Variants in DICER1 observed in about 807,000 individuals in gnomAD.
The protein encoded by DICER1 is dicer 1, ribonuclease III.
Under a neutral mutation model 194.1 loss-of-function variants are expected in DICER1, and 43 were observed. The ratio of observed to expected loss-of-function variants is 0.22; its 90% CI spans 0.17 to 0.29. DICER1 has a LOEUF of 0.29. Among genes scored for constraint, DICER1 ranks in the 10% least tolerant of loss-of-function variants. DICER1 has a pLI of 1.00. For synonymous variants in DICER1, 832 were observed against 820.5 expected (o/e 1.01, Z -0.24); for missense variants, 1,608 against 2,317.0 (o/e 0.69, Z 6.28).
At chr14:95,110,954 C>A (rs999723646) in intron 14 of DICER1, among the ~76,000 whole-genome samples, 6 of 152,152 alleles carry the variant, frequency 3.9e-5, no homozygotes, top group Non-Finnish European at 8.8e-5. Context: ...TCACACAAAT[C>A]CTCTTCTGTC....
At position 95,121,337 on chromosome 14, in the gene DICER1, GAA is replaced by G. The variant is rs1655192703; in HGVS notation, c.1376+2857_1376+2858del. ...AGAAAAAAATAAAAATAAATTTTTTGAAAAAGAGGACATTAGTAGAAAAGCTG... is the reference window on the plus strand; with the variant it reads ...AGAAAAAAATAAAAATAAATTTTTTGAAAGAGGACATTAGTAGAAAAGCTG... On this transcript the variant is annotated intron_variant, in intron 8 of 26. Transcript: ENST00000343455. Among the ~76,000 whole-genome samples, 3 of 152,138 alleles carry G rather than the reference GAA, an allele frequency of 2.0e-5. 1 individual carries two copies. In the South Asian group the frequency reaches 6.2e-4, roughly 32 times the overall value.
Position 95,115,653 on chromosome 14 carries a change from A to C in DICER1, c.1907+14T>G. On this transcript the variant is annotated intron_variant, in intron 11 of 26. Coordinates refer to ENST00000343455, the MANE Select transcript of DICER1 (RefSeq NM_177438.3). ...CATTCCCAGGTTTTCCACACAAATG[A>C]TATGATGCCATACCTATTGATGTGT... 6.2e-7 allele frequency: 1 copy of C among 1,613,960 alleles called. No homozygotes were observed. Among genetic ancestry groups the C allele is most frequent in the East Asian group, 2.2e-5 (1 of 44,884 alleles).
chr14:95,094,249 T>C (rs2139818750), intron 23 of DICER1, 93 bp from the exon 24 acceptor site: 1 of 1,473,074 alleles, frequency 6.8e-7, no homozygotes, highest in East Asian at 2.3e-5. Context: ...AGAAGATTTG[T>C]ATTTACAATC....
At chr14:95,098,472 A>C (rs951558054) in intron 22 of DICER1, among the ~76,000 whole-genome samples, 2 of 152,226 alleles carry the variant, frequency 1.3e-5, no homozygotes, top group African/African-American at 4.8e-5. Context: ...TAAAAATCTG[A>C]ACAGTATTTC....
chr14:95,103,234 TA>T (rs2139951501), intron 21 of DICER1, 111 bp downstream of exon 21: 1 of 1,221,100 alleles, frequency 8.2e-7, no homozygotes, highest in East Asian at 2.3e-5. Context: ...TTGGCCGGTG[TA>T]GCAATTTCTG....
intron 21 of DICER1, 89 bp from the exon 22 acceptor site, chr14:95,100,024 T>C (rs1005693712): frequency 1.4e-6 from 2 of 1,423,300 alleles, no homozygotes; most frequent in African/African-American, 2.9e-5. Context: ...AGTTAAATGT[T>C]CTTAAAATTA....
intron 8 of DICER1, among the ~76,000 whole-genome samples, chr14:95,121,971 A>G (rs1020263061): frequency 2.0e-5 from 3 of 152,164 alleles, no homozygotes; most frequent in Non-Finnish European, 4.4e-5. Flanking sequence ...TTCACTATAG[A>G]AGGGTTTTTC....
At chr14:95,132,021 G>T (rs987713962) in intron 3 of DICER1, among the ~76,000 whole-genome samples, 4 of 152,062 alleles carry the variant, frequency 2.6e-5, no homozygotes, top group Non-Finnish European at 4.4e-5. Flanking sequence ...ATATATTAGT[G>T]CCCTACCAGC....
chr14:95,148,855 T>C (rs772020261), intron 1 of DICER1, among the ~76,000 whole-genome samples: 1 of 151,558 alleles, frequency 6.6e-6, no homozygotes, highest in Admixed American at 6.6e-5. Context: ...TCAAGAGACA[T>C]AAATACTTAA....
intron 21 of DICER1, among the ~76,000 whole-genome samples, chr14:95,101,491 C>T (rs1171795875): frequency 1.3e-5 from 2 of 152,116 alleles, no homozygotes; most frequent in South Asian, 2.1e-4. Flanking sequence ...TTCCGTATGG[C>T]GACTACTCTA....
At position 95,113,006 on chromosome 14, in the gene DICER1, T is replaced by A. The variant is rs1285645537; in HGVS notation, c.2040+86A>T. On this transcript the variant is annotated intron_variant, in intron 12 of 26. Coordinates refer to ENST00000343455, the MANE Select transcript of DICER1 (RefSeq NM_177438.3). ...AGTAGATTTTAAAATCAAATTTACC[T>A]ATAACTTGCAAGTCTTAGAAAAGCT... 3.7e-5 allele frequency: 51 copies of A among 1,394,158 alleles called. No individual in the cohort carries two copies. In the East Asian group the frequency reaches 1.2e-3, roughly 32 times the overall value. The allele number at this position is 1,394,158 out of a possible 1,614,324, so 86.4% of individuals were successfully genotyped here.
intron 8 of DICER1, among the ~76,000 whole-genome samples, chr14:95,123,884 A>G (rs942513282): frequency 6.6e-6 from 1 of 152,274 alleles, no homozygotes; most frequent in Non-Finnish European, 1.5e-5. Flanking sequence ...TGAATCTAAA[A>G]TTGAATATAA....
chr14:95,090,794 T>C (rs1889731721), intron 26 of DICER1, 131 bp from the exon 27 acceptor site: 1 of 1,148,658 alleles, frequency 8.7e-7, no homozygotes, highest in Admixed American at 1.8e-5. Context: ...AAACACGCGT[T>C]ACGACTTACT....
At chr14:95,108,211 C>G in intron 15 of DICER1, 113 bp downstream of exon 15, 1 of 1,304,566 alleles carries the variant, frequency 7.7e-7, no homozygotes, top group Non-Finnish European at 1.1e-6. Flanking sequence ...GCACCTCGAT[C>G]TTTAAATATT....
chr14:95,129,520 A>G lies in DICER1; in HGVS notation c.686T>C (p.Ile229Thr), dbSNP rs1566810524. The change falls in exon 6 of 27, where the codon ATT (isoleucine) becomes ACT (threonine). Residue 229 changes from isoleucine to threonine, a missense_variant. This residue lies in a region of DICER1 where 657 missense variants were observed against 910.1 expected (regional missense o/e 0.72). Transcript: ENST00000343455. The stretch of plus-strand genomic sequence containing the variant: ...TGCAGTTTCAGCATTACTCTTAAGA[A>G]TTTTCTCTAGTTTCTGAATCTTTTC... ...LEEKIQKLEK[I>T]LKSNAETATD... is the part of the protein sequence containing the mutation. The G allele has an allele frequency of 2.5e-6, 4 of 1,613,938 alleles. No homozygotes were observed. The highest frequency in any genetic ancestry group is 3.4e-6 in the Non-Finnish European group (4 of 1,179,892).
In DICER1 at chr14:95,157,340, T is replaced by G. The variant is rs886050946; in HGVS notation, c.-156A>C. ...CCGGCGCCGCCGCCCCCGCCGCCAT[T>G]TCCTCGCGCTCGCCGTCGCCTCGTC... On this transcript the variant is annotated 5_prime_UTR_variant, in exon 1 of 27. Coordinates refer to ENST00000343455, the MANE Select transcript of DICER1 (RefSeq NM_177438.3). 42 of 155,288 alleles carry G rather than the reference T, an allele frequency of 2.7e-4. 1 individual carries two copies. The highest frequency in any genetic ancestry group is 5.1e-4 in the Non-Finnish European group (36 of 70,668). 9.6% of individuals were successfully genotyped at this position (155,288 alleles called of 1,614,324 possible).
rs1024661120 is a variant in DICER1, at chr14:95,087,790, A to C, written c.*2708T>G. The stretch of plus-strand genomic sequence containing the variant: ...TTGCTTTTTCAAGACACGCCTCCCC[A>C]GTCCTTTACACACGTGCTCAGGGCA... On this transcript the variant is annotated 3_prime_UTR_variant, in exon 27 of 27. Coordinates refer to ENST00000343455, the MANE Select transcript of DICER1 (RefSeq NM_177438.3). The C allele has an allele frequency of 4.3e-6, 1 of 233,166 alleles. No homozygotes were observed. Among genetic ancestry groups the C allele is most frequent in the African/African-American group, 2.2e-5 (1 of 45,348 alleles). 14.4% of individuals were successfully genotyped at this position (233,166 alleles called of 1,614,324 possible).
At chr14:95,119,459 A>G (rs974315416) in intron 8 of DICER1, among the ~76,000 whole-genome samples, 2 of 152,272 alleles carry the variant, frequency 1.3e-5, no homozygotes, top group Non-Finnish European at 2.9e-5. Flanking sequence ...ACCAGTACCC[A>G]GGACAAAGCT....
chr14:95,093,859 T>C, intron 24 of DICER1, 29 bp downstream of exon 24: 1 of 1,613,770 alleles, frequency 6.2e-7, no homozygotes. Flanking sequence ...TAGACCACTT[T>C]TTTCAACATC....
Sources: gnomAD v4.1 joint callset for allele counts (sites outside exome capture counted in the v4.1 genomes callset) on GRCh38, gnomAD v4.1.1 for gene constraint, gnomAD v4.1.1 regional missense constraint, MANE v1.5 for transcripts, NCBI Gene and HGNC (gene_info 2026-07-23, HGNC 2026-07-21) for gene names.